The following ATG10 variants were observed in gnomAD, a reference collection of about 807,000 sequenced individuals.
The protein encoded by ATG10 is autophagy related 10, also known as ubiquitin-like-conjugating enzyme ATG10.
In ATG10, 30 loss-of-function variants were observed where a neutral mutation model predicts 32.1. The observed-to-expected ratio is 0.94, with a 90% CI of 0.70 to 1.27. The LOEUF is 1.27. ATG10 is among the 50% of genes most tolerant of loss of function. The probability of loss-of-function intolerance (pLI) is 0.00; values close to 1 mark genes in which losing one functional copy is unlikely to be tolerated. For missense variants in ATG10, 233 were observed against 262.3 expected (o/e 0.89, Z 0.77); for synonymous variants, 87 against 91.5 (o/e 0.95, Z 0.28).
intron 3 of ATG10, among the ~76,000 whole-genome samples, chr5:82,146,125 A>C (rs532686755): frequency 6.6e-6 from 1 of 152,148 alleles, no homozygotes; most frequent in Non-Finnish European, 1.5e-5. Context: ...TTGTTTCTAT[A>C]GTACAGGCCT....
chr5:82,150,334 GGTGCT>G (rs747903909), intron 3 of ATG10, among the ~76,000 whole-genome samples: 4 of 151,426 alleles, frequency 2.6e-5, no homozygotes, highest in Non-Finnish European at 1.5e-5. Context: ...AATTTTTCAG[GGTGCT>G]GCAAGTTAGG....
chr5:82,094,021 T>G (rs1190762791), intron 3 of ATG10, among the ~76,000 whole-genome samples: 1 of 152,132 alleles, frequency 6.6e-6, no homozygotes, highest in African/African-American at 2.4e-5. Context: ...GGTTCTTTCC[T>G]TATACACATG....
At chr5:82,188,875 C>G (rs1312112743) in intron 5 of ATG10, among the ~76,000 whole-genome samples, 1 of 151,762 alleles carries the variant, frequency 6.6e-6, no homozygotes, top group Non-Finnish European at 1.5e-5. Context: ...ACATTATTTT[C>G]TTCCCACTTT....
chr5:81,993,365 T>TTCC (rs1341804720), intron 2 of ATG10, among the ~76,000 whole-genome samples: 932 of 32,282 alleles, frequency 0.029, 38 homozygotes, highest in African/African-American at 0.067. Flanking sequence ...CTTTCCTTCT[T>TTCC]TTCTTTTCTT....
chr5:81,980,847 G>A (rs958942613), intron 1 of ATG10, among the ~76,000 whole-genome samples: 5 of 152,082 alleles, frequency 3.3e-5, no homozygotes, highest in African/African-American at 1.2e-4. Context: ...CTAGAAACCA[G>A]GAGGGGAGGG....
chr5:82,075,063 C>T (rs73768625), intron 3 of ATG10, among the ~76,000 whole-genome samples: 6,451 of 152,198 alleles, frequency 0.042, 143 homozygotes, highest in Middle Eastern at 0.058. Context: ...ACCTAAGATG[C>T]TTTGTTTTAT....
In ATG10 at chr5:82,219,481, G is replaced by A. The variant is rs370906416; in HGVS notation, c.454-33081G>A. Among the ~76,000 whole-genome samples, 9 of 152,172 alleles carry A rather than the reference G, an allele frequency of 5.9e-5. No individual in the cohort carries two copies. The East Asian group carries it at 1.3e-3, about 23-fold the overall frequency. On this transcript the variant is annotated intron_variant, in intron 5 of 7. Coordinates refer to ENST00000282185, the MANE Select transcript of ATG10 (RefSeq NM_031482.5). ...CAGACACATAGTGTTGGCATGTAAT[G>A]GTATTATATTATAACCCAAATAGTC...
chr5:82,219,834 T>C (rs967144375), intron 5 of ATG10, among the ~76,000 whole-genome samples: 1 of 152,252 alleles, frequency 6.6e-6, no homozygotes, highest in African/African-American at 2.4e-5. Flanking sequence ...GATTTATTTT[T>C]TCCTCTTTCT....
intron 2 of ATG10, among the ~76,000 whole-genome samples, chr5:81,994,062 G>T (rs1208871288): frequency 6.6e-6 from 1 of 152,118 alleles, no homozygotes; most frequent in African/African-American, 2.4e-5. Flanking sequence ...GGACCATATA[G>T]CTTCTCACCT....
intron 4 of ATG10, among the ~76,000 whole-genome samples, chr5:82,173,796 A>G (rs1398570883): frequency 6.6e-6 from 1 of 152,214 alleles, no homozygotes; most frequent in Non-Finnish European, 1.5e-5. Context: ...CCAGATGTAA[A>G]AAAATAGACT....
chr5:82,100,002 T>G (rs1483589106), intron 3 of ATG10, among the ~76,000 whole-genome samples: 3 of 118,460 alleles, frequency 2.5e-5, no homozygotes, highest in South Asian at 6.4e-4. Flanking sequence ...TTTTCTGTGT[T>G]TTTTTTTTTT....
intron 2 of ATG10, among the ~76,000 whole-genome samples, chr5:82,035,057 A>C (rs1762870796): frequency 6.6e-6 from 1 of 152,114 alleles, no homozygotes; most frequent in South Asian, 2.1e-4. Flanking sequence ...GATTACAGGC[A>C]TCTGCCACCA....
At chr5:82,103,902 T>G (rs773446147) in intron 3 of ATG10, among the ~76,000 whole-genome samples, 51 of 152,164 alleles carry the variant, frequency 3.4e-4, no homozygotes, top group Non-Finnish European at 6.3e-4. Flanking sequence ...CAGATTGACT[T>G]GTTACACTAC....
chr5:82,156,348 A>G (rs1162038786), intron 3 of ATG10, among the ~76,000 whole-genome samples: 1 of 152,196 alleles, frequency 6.6e-6, no homozygotes, highest in East Asian at 1.9e-4. Context: ...AACACTGCTT[A>G]TAAGGTGAAG....
chr5:82,142,045 T>C (rs1448936098), intron 3 of ATG10, among the ~76,000 whole-genome samples: 1 of 152,260 alleles, frequency 6.6e-6, no homozygotes, highest in East Asian at 1.9e-4. Context: ...CCAGTGAATG[T>C]AGCGTTACAG....
intron 3 of ATG10, among the ~76,000 whole-genome samples, chr5:82,159,269 A>G (rs764379149): frequency 6.6e-6 from 1 of 152,138 alleles, no homozygotes; most frequent in Non-Finnish European, 1.5e-5. Flanking sequence ...TCATCACACT[A>G]CTCTGAATGG....
chr5:82,027,536 A>G (rs948455199), intron 2 of ATG10, among the ~76,000 whole-genome samples: 1 of 152,208 alleles, frequency 6.6e-6, no homozygotes, highest in African/African-American at 2.4e-5. Flanking sequence ...AATTTTGATG[A>G]AGTTTGTTTT....
At chr5:82,144,156 A>G (rs370629651) in intron 3 of ATG10, among the ~76,000 whole-genome samples, 17 of 152,256 alleles carry the variant, frequency 1.1e-4, no homozygotes, top group African/African-American at 4.1e-4. Flanking sequence ...TAGTGTTTAT[A>G]GCATTTTTAA....
intron 3 of ATG10, among the ~76,000 whole-genome samples, chr5:82,097,999 G>C (rs1369766219): frequency 6.6e-6 from 1 of 152,150 alleles, no homozygotes; most frequent in Non-Finnish European, 1.5e-5. Context: ...TTCCCCCTGT[G>C]ACGTTGAGTC....
Sources: gnomAD v4.1 joint callset for allele counts (sites outside exome capture counted in the v4.1 genomes callset) on GRCh38, gnomAD v4.1.1 for gene constraint, MANE v1.5 for transcripts, NCBI Gene and HGNC (gene_info 2026-07-23, HGNC 2026-07-21) for gene names.